The following SMOC2 variants were observed in gnomAD, a reference collection of about 807,000 sequenced individuals.
SMOC2 encodes the protein SPARC related modular calcium binding 2.
Under a neutral mutation model 61.4 loss-of-function variants are expected in SMOC2, and 39 were observed. The ratio of observed to expected loss-of-function variants is 0.64; its 90% CI spans 0.49 to 0.83. SMOC2 has a LOEUF of 0.83. SMOC2 is among the 40% of genes least tolerant of loss of function. The pLI is 0.00. For synonymous variants in SMOC2, 247 were observed against 239.9 expected (o/e 1.03, Z -0.27); for missense variants, 556 against 592.9 (o/e 0.94, Z 0.65).
chr6:168,540,335 C>T (rs553199844), intron 4 of SMOC2, among the ~76,000 whole-genome samples: 7 of 152,322 alleles, frequency 4.6e-5, no homozygotes, highest in African/African-American at 9.6e-5. Flanking sequence ...ATTGCTCTTC[C>T]GGAGGGGACC....
chr6:168,477,926 A>T (rs1310738366), intron 1 of SMOC2, among the ~76,000 whole-genome samples: 2 of 152,152 alleles, frequency 1.3e-5, no homozygotes, highest in Non-Finnish European at 2.9e-5. Flanking sequence ...TGAAGGTGGG[A>T]TTACTGTCCC....
intron 1 of SMOC2, among the ~76,000 whole-genome samples, chr6:168,474,210 A>G (rs1782029620): frequency 1.3e-5 from 2 of 152,126 alleles, no homozygotes; most frequent in Admixed American, 1.3e-4. Flanking sequence ...TACAGCTCGC[A>G]GGTTCCTGCA....
intron 7 of SMOC2, among the ~76,000 whole-genome samples, chr6:168,554,672 T>C (rs1219143089): frequency 1.3e-5 from 2 of 152,232 alleles, no homozygotes; most frequent in East Asian, 3.9e-4. Flanking sequence ...AGCCAGACTT[T>C]GTGGCTGGCA....
At chr6:168,565,160 A>G (rs2115132353) in intron 7 of SMOC2, among the ~76,000 whole-genome samples, 1 of 152,234 alleles carries the variant, frequency 6.6e-6, no homozygotes, top group East Asian at 1.9e-4. Context: ...TCCCTTAGTG[A>G]ATCTTCAGTT....
intron 1 of SMOC2, among the ~76,000 whole-genome samples, chr6:168,463,182 C>T (rs1475515875): frequency 1.3e-5 from 2 of 152,188 alleles, no homozygotes; most frequent in Admixed American, 1.3e-4. Flanking sequence ...AAATGAAACA[C>T]AGAAGATATT....
intron 9 of SMOC2, among the ~76,000 whole-genome samples, chr6:168,643,652 CA>C (rs1171104541): frequency 1.3e-5 from 2 of 152,312 alleles, no homozygotes; most frequent in East Asian, 3.9e-4. Context: ...GGCCGTGGGG[CA>C]GCGGGGAGAG....
intron 2 of SMOC2, among the ~76,000 whole-genome samples, chr6:168,515,324 G>A (rs367609806): frequency 2.6e-5 from 4 of 152,284 alleles, no homozygotes; most frequent in East Asian, 3.9e-4. Context: ...CTGCCAAGGC[G>A]GCAAACGTTA....
At chr6:168,550,752 C>G (rs1784113642) in intron 7 of SMOC2, among the ~76,000 whole-genome samples, 1 of 152,146 alleles carries the variant, frequency 6.6e-6, no homozygotes, top group South Asian at 2.1e-4. Flanking sequence ...TAACATTTTT[C>G]TCAGAAATGC....
intron 9 of SMOC2, among the ~76,000 whole-genome samples, chr6:168,639,550 A>G (rs1786839367): frequency 6.6e-6 from 1 of 152,168 alleles, no homozygotes; most frequent in South Asian, 2.1e-4. Context: ...TATACAGTAA[A>G]TTATTTTTAA....
rs1251260409 is a variant in SMOC2, at chr6:168,452,145, T to C, written c.84+10691T>C. Reference sequence around the variant, plus strand: ...CTGCAAAAATACCCCACGGGCCTGCTGCCCCAAGTGAGTTCAACTTTCCAG... The same window carrying C: ...CTGCAAAAATACCCCACGGGCCTGCCGCCCCAAGTGAGTTCAACTTTCCAG... On this transcript the variant is annotated intron_variant, in intron 1 of 12. Transcript: ENST00000356284. The surrounding 1 kb of genome is among the most constrained non-coding windows in gnomAD (Gnocchi z 5.0). Among the ~76,000 whole-genome samples, 1 of 152,244 alleles carries C rather than the reference T, an allele frequency of 6.6e-6. No individual in the cohort carries two copies. The highest frequency in any genetic ancestry group is 1.5e-5 in the Non-Finnish European group (1 of 68,042).
chr6:168,549,176 C>G lies in SMOC2; in HGVS notation c.610C>G (p.Arg204Gly). The change falls in exon 7 of 13, where the codon CGG becomes GGG. Residue 204 changes from arginine (R) to glycine (G), a missense_variant. Arg to Gly is a moderately radical substitution (Grantham distance 125, BLOSUM62 -2). Coordinates refer to ENST00000356284, the MANE Select transcript of SMOC2 (RefSeq NM_001166412.2). ...PTLWTEQVKS[R>G]QNKTNKNSVS... Reference sequence around the variant, plus strand: ...CCTTTGGACTGAACAGGTTAAAAGTCGGCAGAACAAAACCAATAAGAATTC... The same window carrying G: ...CCTTTGGACTGAACAGGTTAAAAGTGGGCAGAACAAAACCAATAAGAATTC... 1 of 1,614,088 alleles carries G rather than the reference C, an allele frequency of 6.2e-7. No individual in the cohort carries two copies. Among genetic ancestry groups the G allele is most frequent in the Non-Finnish European group, 8.5e-7 (1 of 1,179,994 alleles).
At chr6:168,655,854 C>T (rs975112087) in intron 11 of SMOC2, among the ~76,000 whole-genome samples, 4 of 151,476 alleles carry the variant, frequency 2.6e-5, no homozygotes, top group South Asian at 2.1e-4. Flanking sequence ...CGTATGTGCT[C>T]GATCCCTTGC....
intron 7 of SMOC2, among the ~76,000 whole-genome samples, chr6:168,576,917 C>T (rs952358187): frequency 3.9e-5 from 6 of 152,002 alleles, no homozygotes; most frequent in Non-Finnish European, 7.3e-5. Context: ...CCCTCAAGCA[C>T]GCATGAGATT....
rs183119944 is a variant in SMOC2, at chr6:168,608,931, C to G, written c.907+692C>G. ...CAGCGTACTTTGTTTAGAGTACGTG[C>G]TTGATCTTGTCTCATACAGAAACTG... On this transcript the variant is annotated intron_variant, in intron 9 of 12. Coordinates refer to ENST00000356284, the MANE Select transcript of SMOC2 (RefSeq NM_001166412.2). Among the ~76,000 whole-genome samples the G allele has an allele frequency of 1.1e-4, 17 of 152,276 alleles. No individual in the cohort carries two copies. The East Asian group carries it at 3.3e-3, about 29-fold the overall frequency.
intron 9 of SMOC2, among the ~76,000 whole-genome samples, chr6:168,610,174 C>T (rs1475785301): frequency 6.6e-6 from 1 of 152,136 alleles, no homozygotes; most frequent in Non-Finnish European, 1.5e-5. Flanking sequence ...AGGATGGGCA[C>T]GTCAGAAACC....
chr6:168,520,387 A>G (rs191054564), intron 2 of SMOC2, among the ~76,000 whole-genome samples: 144 of 152,302 alleles, frequency 9.5e-4, no homozygotes, highest in African/African-American at 3.4e-3. Context: ...AAGACACCAT[A>G]TGTGTCCTCT....
At chr6:168,612,606 C>T (rs1241434680) in intron 9 of SMOC2, among the ~76,000 whole-genome samples, 1 of 152,114 alleles carries the variant, frequency 6.6e-6, no homozygotes, top group African/African-American at 2.4e-5. Context: ...TTTACTCAAA[C>T]AGCAGCACTG....
At chr6:168,548,332 G>A (rs1303186999) in intron 6 of SMOC2, among the ~76,000 whole-genome samples, 5 of 151,010 alleles carry the variant, frequency 3.3e-5, no homozygotes, top group Non-Finnish European at 7.4e-5. Flanking sequence ...AAGCACTAAC[G>A]GTGACCTGCA....
At chr6:168,519,676 C>T (rs2115065559) in intron 2 of SMOC2, among the ~76,000 whole-genome samples, 1 of 152,328 alleles carries the variant, frequency 6.6e-6, no homozygotes, top group East Asian at 1.9e-4. Context: ...GCAGGGGCCT[C>T]TCCGCACAGC....
Sources: gnomAD v4.1 joint callset for allele counts (sites outside exome capture counted in the v4.1 genomes callset) on GRCh38, gnomAD v4.1.1 for gene constraint, Gnocchi (gnomAD v3.1) non-coding constraint, MANE v1.5 for transcripts, NCBI Gene and HGNC (gene_info 2026-07-23, HGNC 2026-07-21) for gene names.